Variants in RUNX1T1 observed in about 807,000 individuals in gnomAD.
RUNX1T1 encodes the protein RUNX1 partner transcriptional co-repressor 1.
Under a neutral mutation model 62.8 loss-of-function variants are expected in RUNX1T1, and 4 were observed. The ratio of observed to expected loss-of-function variants is 0.06; its 90% CI spans 0.03 to 0.15. RUNX1T1 has a LOEUF of 0.15. Among genes scored for constraint, RUNX1T1 ranks in the 10% least tolerant of loss-of-function variants. RUNX1T1 has a pLI of 1.00. For missense variants in RUNX1T1, 508 were observed against 754.3 expected (o/e 0.67, Z 3.82); for synonymous variants, 291 against 286.0 (o/e 1.02, Z -0.18).
chr8:92,073,497 C>G (rs1054403342), intron 2 of RUNX1T1, among the ~76,000 whole-genome samples: 1 of 152,152 alleles, frequency 6.6e-6, no homozygotes, highest in Non-Finnish European at 1.5e-5. Flanking sequence ...GCCGACTGTT[C>G]AGCCATGGAT....
rs768619427 is a variant in RUNX1T1, at chr8:91,970,890, C to G, written c.1268-42G>C. 4 of 1,501,310 alleles carry G rather than the reference C, an allele frequency of 2.7e-6. No homozygotes were observed. The East Asian group carries it at 7.1e-5, about 27-fold the overall frequency. 93.0% of individuals were successfully genotyped at this position (1,501,310 alleles called of 1,614,324 possible). A position where few individuals can be genotyped will look rare whatever the true frequency, so the allele number is the denominator to read the frequency against. On this transcript the variant is annotated intron_variant, in intron 9 of 10. Coordinates refer to ENST00000396218, the Ensembl canonical transcript of RUNX1T1. ...CCAAACCAGACAAGAAAACACCTCT[C>G]AGTTAGCCGAAGTCATTGGATACGG... is the stretch of plus-strand genomic sequence containing the variant.
At position 91,975,886 on chromosome 8, in the gene RUNX1T1, G is replaced by A; in HGVS notation, c.1267+19C>T. 2 of 1,577,482 alleles carry A rather than the reference G, an allele frequency of 1.3e-6. No individual in the cohort carries two copies. On this transcript the variant is annotated intron_variant, in intron 9 of 10. Transcript: ENST00000396218. ...ACAGCTGCCAGAACACGAAACTCATGTTTTTAAACAATTCTTACCAGCTTT... is the reference window on the plus strand; with the variant it reads ...ACAGCTGCCAGAACACGAAACTCATATTTTTAAACAATTCTTACCAGCTTT...
At chr8:92,019,964 T>G (rs914554157) in intron 1 of RUNX1T1, among the ~76,000 whole-genome samples, 1 of 152,186 alleles carries the variant, frequency 6.6e-6, no homozygotes, top group Non-Finnish European at 1.5e-5. Flanking sequence ...AATAGGAATA[T>G]GAACATTCTA....
chr8:91,979,920 A>G (rs1480282139), intron 8 of RUNX1T1: 1 of 525,524 alleles, frequency 1.9e-6, no homozygotes, highest in Non-Finnish European at 3.7e-6. Context: ...GCACCTAGGT[A>G]TGGCCTTCAT....
intron 1 of RUNX1T1, among the ~76,000 whole-genome samples, chr8:92,024,804 T>C (rs1321911256): frequency 6.6e-6 from 1 of 152,186 alleles, no homozygotes; most frequent in African/African-American, 2.4e-5. Flanking sequence ...CCTAAGTTCC[T>C]TCTTAGACCC....
At chr8:91,971,959 C>T (rs1352238297) in intron 9 of RUNX1T1, among the ~76,000 whole-genome samples, 1 of 152,040 alleles carries the variant, frequency 6.6e-6, no homozygotes, top group African/African-American at 2.4e-5. Context: ...CATCTTTATT[C>T]AAAGCAAAAT....
At chr8:92,038,880 T>C (rs946510662) in intron 1 of RUNX1T1, among the ~76,000 whole-genome samples, 1 of 152,078 alleles carries the variant, frequency 6.6e-6, no homozygotes, top group East Asian at 1.9e-4. Context: ...CTCTCTCTTA[T>C]CTTCAACTTG....
chr8:92,041,390 T>C (rs781545709), intron 1 of RUNX1T1, among the ~76,000 whole-genome samples: 1 of 152,230 alleles, frequency 6.6e-6, no homozygotes, highest in Non-Finnish European at 1.5e-5. Flanking sequence ...TGGCACATAG[T>C]AGATACTCAG....
upstream of RUNX1T1, among the ~76,000 whole-genome samples, chr8:92,067,189 A>G (rs181149593): frequency 2.0e-3 from 303 of 152,348 alleles, 1 homozygote; most frequent in Non-Finnish European, 3.3e-3. Context: ...AACATGCTGG[A>G]TAGAGGAAAC....
chr8:91,964,067 A>C (rs979998928), intron 10 of RUNX1T1, among the ~76,000 whole-genome samples: 15 of 152,212 alleles, frequency 9.9e-5, no homozygotes, highest in South Asian at 4.1e-4. Context: ...GACTCAGATG[A>C]AGAATTTGTG....
chr8:92,034,400 C>G (rs932818739), intron 1 of RUNX1T1, among the ~76,000 whole-genome samples: 3 of 152,148 alleles, frequency 2.0e-5, no homozygotes, highest in African/African-American at 7.2e-5. Flanking sequence ...GGAACCCACC[C>G]CATAAAGCAG....
chr8:92,055,589 G>A (rs1229980497), intron 1 of RUNX1T1, among the ~76,000 whole-genome samples: 3 of 152,056 alleles, frequency 2.0e-5, no homozygotes, highest in Non-Finnish European at 4.4e-5. Context: ...CTACAAGCAC[G>A]TGCCACCACG....
At chr8:92,082,155 G>A (rs1835376381) in intron 1 of RUNX1T1, among the ~76,000 whole-genome samples, 1 of 152,140 alleles carries the variant, frequency 6.6e-6, no homozygotes, top group African/African-American at 2.4e-5. Flanking sequence ...AAAGTACTGG[G>A]ATTACAGGCT....
intron 1 of RUNX1T1, among the ~76,000 whole-genome samples, chr8:92,091,100 C>A (rs1836928897): frequency 6.6e-6 from 1 of 152,242 alleles, no homozygotes; most frequent in East Asian, 1.9e-4. Context: ...TTCCCCAAGG[C>A]ACTTAGAGGT....
At position 92,006,576 on chromosome 8, in the gene RUNX1T1, A is replaced by AT. The variant is rs773483332; in HGVS notation, c.478-1280dup. On this transcript the variant is annotated intron_variant, in intron 4 of 10. Coordinates refer to ENST00000396218, the Ensembl canonical transcript of RUNX1T1. ...GGCTGGCTACTTGTACCTCAAATTC[A>AT]TTTTTTTTTTCCTTCAGTGCTCTTT... 101 of 147,196 alleles carry AT rather than the reference A, an allele frequency of 6.9e-4. 2 individuals are homozygous for AT. The East Asian group carries it at 0.011, about 16-fold the overall frequency. The allele number at this position is 147,196 out of a possible 1,614,324, so 9.1% of individuals were successfully genotyped here.
chr8:91,981,594 T>G (rs1025949176), intron 8 of RUNX1T1, among the ~76,000 whole-genome samples: 42 of 151,800 alleles, frequency 2.8e-4, no homozygotes, highest in African/African-American at 8.7e-4. Flanking sequence ...TTTTTTTATT[T>G]TTAGCATAGA....
At chr8:91,980,887 G>A (rs1815079057) in intron 8 of RUNX1T1, among the ~76,000 whole-genome samples, 1 of 151,884 alleles carries the variant, frequency 6.6e-6, no homozygotes, top group Non-Finnish European at 1.5e-5. Context: ...TTCCAGGCTG[G>A]TCTCAAACTC....
intron 1 of RUNX1T1, among the ~76,000 whole-genome samples, chr8:92,081,017 T>A (rs1309751337): frequency 6.6e-6 from 1 of 152,204 alleles, no homozygotes; most frequent in Non-Finnish European, 1.5e-5. Context: ...TAAAGTGTTA[T>A]AAATGACTGT....
upstream of RUNX1T1, among the ~76,000 whole-genome samples, chr8:92,064,352 T>C (rs917857784): frequency 1.3e-5 from 2 of 152,188 alleles, no homozygotes; most frequent in African/African-American, 4.8e-5. Context: ...CTGTCACTAA[T>C]AGTATACTGC....
Sources: gnomAD v4.1 joint callset for allele counts (sites outside exome capture counted in the v4.1 genomes callset) on GRCh38, gnomAD v4.1.1 for gene constraint, MANE v1.5 for transcripts, NCBI Gene and HGNC (gene_info 2026-07-23, HGNC 2026-07-21) for gene names.